The following VPS13C variants were observed in gnomAD, a reference collection of about 807,000 sequenced individuals.
VPS13C encodes the protein vacuolar protein sorting 13 homolog C.
VPS13C carries 358 observed loss-of-function variants against 456.8 expected under a neutral mutation model. That is an observed-to-expected ratio of 0.78 (90% confidence interval 0.72 to 0.86). The LOEUF (loss-of-function observed/expected upper bound fraction) is 0.86, where lower values mean the gene tolerates loss of function less well. Among genes scored for constraint, VPS13C ranks in the 40% least tolerant of loss-of-function variants. The pLI is 0.00. For missense variants in VPS13C, 4,818 were observed against 4,385.4 expected (o/e 1.10, Z -2.79); for synonymous variants, 1,578 against 1,486.7 (o/e 1.06, Z -1.41).
chr15:61,922,108 T>G (rs1253258751), intron 54 of VPS13C, 75 bp from the exon 55 acceptor site: 6 of 1,452,440 alleles, frequency 4.1e-6, no homozygotes, highest in Non-Finnish European at 3.8e-6. Context: ...ATAGGGAAAT[T>G]ATTAAGTAAT....
At chr15:62,036,404 T>C (rs774892862) in intron 3 of VPS13C, among the ~76,000 whole-genome samples, 1 of 152,064 alleles carries the variant, frequency 6.6e-6, no homozygotes, top group South Asian at 2.1e-4. Flanking sequence ...TAGATGGATA[T>C]GTAGGAAAGC....
At chr15:61,922,839 T>C (rs1368313873) in intron 53 of VPS13C, 77 bp from the exon 54 acceptor site, 1 of 1,113,164 alleles carries the variant, frequency 9.0e-7, no homozygotes, top group African/African-American at 1.6e-5. Flanking sequence ...TGATTTTAAG[T>C]GACATACATT....
At chr15:62,045,186 G>C (rs1321328633) in intron 1 of VPS13C, among the ~76,000 whole-genome samples, 2 of 152,058 alleles carry the variant, frequency 1.3e-5, no homozygotes, top group Admixed American at 1.3e-4. Context: ...TTAGGTGCTG[G>C]AAAGAGAAAG....
intron 3 of VPS13C, among the ~76,000 whole-genome samples, chr15:62,037,380 A>T (rs1448015646): frequency 1.1e-5 from 1 of 94,652 alleles, no homozygotes; most frequent in Non-Finnish European, 2.1e-5. Flanking sequence ...TATTATATAT[A>T]AATGTATATA....
At chr15:62,047,859 C>G (rs987127138) in intron 1 of VPS13C, among the ~76,000 whole-genome samples, 6 of 152,274 alleles carry the variant, frequency 3.9e-5, no homozygotes, top group African/African-American at 1.4e-4. Flanking sequence ...TAAACCAGAT[C>G]TCCCCTAAAA....
chr15:62,043,065 T>C (rs1019726302), intron 2 of VPS13C, among the ~76,000 whole-genome samples: 1 of 152,042 alleles, frequency 6.6e-6, no homozygotes, highest in African/African-American at 2.4e-5. Flanking sequence ...TATATTGTCA[T>C]AAATAGAGAA....
intron 40 of VPS13C, among the ~76,000 whole-genome samples, chr15:61,950,710 C>T (rs1015161687): frequency 2.0e-5 from 3 of 151,904 alleles, no homozygotes; most frequent in Non-Finnish European, 4.4e-5. Context: ...TAGATTATAA[C>T]ACACTTTGCT....
At chr15:61,884,699 T>A (rs1896140021) in intron 67 of VPS13C, among the ~76,000 whole-genome samples, 1 of 151,958 alleles carries the variant, frequency 6.6e-6, no homozygotes, top group Admixed American at 6.6e-5. Flanking sequence ...AAAAAAAACT[T>A]CTTTTGTGAA....
intron 66 of VPS13C, among the ~76,000 whole-genome samples, chr15:61,899,250 A>G (rs2042924173): frequency 9.9e-6 from 1 of 100,810 alleles, no homozygotes. Flanking sequence ...AAATAACTAA[A>G]ATCAGAGCAG....
At chr15:61,958,551 C>A in intron 37 of VPS13C, 57 bp downstream of exon 37, 1 of 989,564 alleles carries the variant, frequency 1.0e-6, no homozygotes, top group Non-Finnish European at 1.5e-6. Context: ...TGATTCCCTA[C>A]TAAACCATAA....
At chr15:61,865,477 CATAAGT>C in intron 81 of VPS13C, 1 of 983,836 alleles carries the variant, frequency 1.0e-6, no homozygotes, top group Non-Finnish European at 1.2e-6. Context: ...GTTGCATGAT[CATAAGT>C]ATGTGAACCA....
intron 65 of VPS13C, 60 bp downstream of exon 65, chr15:61,908,932 T>A (rs2043220271): frequency 6.4e-7 from 1 of 1,565,870 alleles, no homozygotes; most frequent in Admixed American, 1.9e-5. Flanking sequence ...AACCAAAGTG[T>A]TTCCCATTAG....
At chr15:62,045,985 A>G (rs2048388616) in intron 1 of VPS13C, among the ~76,000 whole-genome samples, 1 of 152,188 alleles carries the variant, frequency 6.6e-6, no homozygotes, top group African/African-American at 2.4e-5. Flanking sequence ...ACACATACAT[A>G]GAAAAAAATA....
At chr15:61,865,940 A>T in intron 81 of VPS13C, 1 of 982,936 alleles carries the variant, frequency 1.0e-6, no homozygotes, top group Non-Finnish European at 1.2e-6. Context: ...GAGGATCAAA[A>T]GATCCCCAAA....
intron 66 of VPS13C, among the ~76,000 whole-genome samples, chr15:61,903,875 T>C (rs971629139): frequency 6.6e-6 from 1 of 152,090 alleles, no homozygotes; most frequent in Non-Finnish European, 1.5e-5. Flanking sequence ...GAGAATATAC[T>C]GGAAAAAGAC....
At chr15:61,913,931 T>C (rs1162008170) in intron 61 of VPS13C, among the ~76,000 whole-genome samples, 1 of 152,140 alleles carries the variant, frequency 6.6e-6, no homozygotes, top group East Asian at 1.9e-4. Context: ...AAAATTATGA[T>C]ACAAGACTCA....
At chr15:61,922,167 A>G in intron 54 of VPS13C, 134 bp from the exon 55 acceptor site, 3 of 1,052,010 alleles carry the variant, frequency 2.9e-6, no homozygotes, top group Non-Finnish European at 4.1e-6. Flanking sequence ...AACAATATAT[A>G]GAGTGTATTT....
chr15:61,913,818 CTACAT>C (rs2043376569), intron 61 of VPS13C, among the ~76,000 whole-genome samples: 1 of 152,130 alleles, frequency 6.6e-6, no homozygotes, highest in African/African-American at 2.4e-5. Flanking sequence ...TCAGCAGACA[CTACAT>C]TAAAGACATT....
chr15:62,034,300 T>C (rs968042660), intron 4 of VPS13C, among the ~76,000 whole-genome samples: 5 of 151,670 alleles, frequency 3.3e-5, no homozygotes, highest in Non-Finnish European at 5.9e-5. Flanking sequence ...AAATCAGGTA[T>C]GCATAAACTA....
Sources: allele counts gnomAD v4.1 joint callset (sites outside exome capture counted in the v4.1 genomes callset), GRCh38; gene constraint gnomAD v4.1.1; transcripts MANE v1.5; gene names NCBI Gene and HGNC (gene_info 2026-07-23, HGNC 2026-07-21).